Variants in SGK2 observed in about 807,000 individuals in gnomAD.
SGK2 encodes the protein serine/threonine-protein kinase Sgk2.
In SGK2, 36 loss-of-function variants were observed where a neutral mutation model predicts 47.5. The ratio of observed to expected loss-of-function variants is 0.76; its 90% CI spans 0.58 to 1.00. The LOEUF (loss-of-function observed/expected upper bound fraction) is 1.00. SGK2 is among the 50% of genes least tolerant of loss of function. The pLI, the probability that SGK2 is intolerant of heterozygous loss-of-function variation, is 0.00. For missense variants in SGK2, 404 were observed against 467.4 expected, an observed-to-expected ratio of 0.86 and a Z score of 1.25; for synonymous variants, 157 against 181.9, an observed-to-expected ratio of 0.86 and a Z score of 1.10.
intron 1 of SGK2, among the ~76,000 whole-genome samples, chr20:43,564,176 C>G (rs1019664390): frequency 1.3e-5 from 2 of 152,264 alleles, no homozygotes; most frequent in African/African-American, 4.8e-5. Context: ...AGCCAGGGTG[C>G]TCTCTGGGAC....
intron 1 of SGK2, among the ~76,000 whole-genome samples, chr20:43,564,578 C>A (rs377763840): frequency 2.6e-5 from 4 of 152,270 alleles, no homozygotes. Flanking sequence ...CCTATACACA[C>A]ATATTAATAG....
At chr20:43,567,748 G>GC (rs779503551) in intron 4 of SGK2, 26 bp downstream of exon 4, 1 of 1,612,784 alleles carries the variant, frequency 6.2e-7, no homozygotes, top group South Asian at 1.1e-5. Flanking sequence ...AGGGTGGGAA[G>GC]CCTGGGTCTT....
Position 43,567,660 on chromosome 20 carries a change from C to T in SGK2, c.87-5C>T. ...GCTGATCCGTGTTTTTCCCTCTTCC[C>T]CCAGTGCCCAGCCCACGGACTTCGA... On this transcript the variant is annotated splice_polypyrimidine_tract_variant and splice_region_variant and intron_variant, in intron 3 of 12. Transcript: ENST00000373100. The T allele has an allele frequency of 6.2e-7, 1 of 1,614,054 alleles. No individual in the cohort carries two copies. Among genetic ancestry groups the T allele is most frequent in the Non-Finnish European group, 8.5e-7 (1 of 1,179,936 alleles).
chr20:43,571,172 T>C (rs1980105951), intron 8 of SGK2, 112 bp downstream of exon 8: 2 of 1,523,258 alleles, frequency 1.3e-6, no homozygotes, highest in South Asian at 1.2e-5. Flanking sequence ...TGTACATGTA[T>C]GCATATAGGT....
At chr20:43,584,807 C>T in intron 12 of SGK2, 45 bp from the exon 13 acceptor site, 2 of 1,576,864 alleles carry the variant, frequency 1.3e-6, no homozygotes, top group Non-Finnish European at 1.7e-6. Context: ...CCTTTGGCAG[C>T]TCTGACCCCG....
Position 43,570,659 on chromosome 20 carries a change from C to G in SGK2, c.403C>G (p.Arg135Gly), listed in dbSNP as rs141249005. The change falls in exon 7 of 13, where the codon CGG (arginine) becomes GGG (glycine). Residue 135 changes from arginine (R) to glycine (G), a missense_variant. Coordinates refer to ENST00000373100, the MANE Select transcript of SGK2 (RefSeq NM_170693.3). ...GCGGGAGCGCCGGTTCCTGGAGCCC[C>G]GGGCCAGGTTCTACGCTGCTGAGGT... Reference protein sequence around the residue: ...LQRERRFLEPRARFYAAEVAS... With the variant: ...LQRERRFLEPGARFYAAEVAS... The G allele has an allele frequency of 1.1e-5, 17 of 1,612,316 alleles. No homozygotes were observed. In the East Asian group the frequency reaches 3.8e-4, roughly 36 times the overall value.
At chr20:43,573,742 G>T (rs571838642) in intron 9 of SGK2, among the ~76,000 whole-genome samples, 86 of 152,290 alleles carry the variant, frequency 5.6e-4, no homozygotes, top group Admixed American at 7.2e-4. Context: ...GCTGATGGTC[G>T]GATGAACTCT....
rs1404967960 is a variant in SGK2 at position 43,572,167 on chromosome 20, G to A, written c.597+30G>A. ...GCGTAAACATCCCAGGAGAGGGGAG[G>A]TCATGAGTGGGTGAGGCCACAGCTC... is the stretch of plus-strand genomic sequence containing the variant. On this transcript the variant is annotated intron_variant, in intron 9 of 12. Coordinates refer to ENST00000373100, the MANE Select transcript of SGK2 (RefSeq NM_170693.3). The surrounding 1 kb of genome is among the most constrained non-coding windows in gnomAD (Gnocchi z 4.2). 8.7e-6 allele frequency: 13 copies of A among 1,489,734 alleles called. No individual in the cohort carries two copies. Among genetic ancestry groups the A allele is most frequent in the Non-Finnish European group, 1.2e-5 (13 of 1,092,008 alleles). 92.3% of individuals were successfully genotyped at this position (1,489,734 alleles called of 1,614,324 possible). A position where few individuals can be genotyped will look rare whatever the true frequency, so the allele number is the denominator to read the frequency against.
intron 11 of SGK2, among the ~76,000 whole-genome samples, chr20:43,578,512 A>G (rs1030862373): frequency 3.3e-5 from 5 of 152,062 alleles, no homozygotes; most frequent in Non-Finnish European, 7.4e-5. Context: ...TGAATGGACT[A>G]TGAGGCAAAC....
rs748881921 is a variant in SGK2, at chr20:43,566,483, T to C, written c.-13T>C. 1.9e-6 allele frequency: 3 copies of C among 1,614,108 alleles called. No homozygotes were observed. The highest frequency in any genetic ancestry group is 2.5e-6 in the Non-Finnish European group (3 of 1,180,002). On this transcript the variant is annotated 5_prime_UTR_variant, in exon 2 of 13. Transcript: ENST00000373100. ...TCCCTGTCCCCCCAGAGCTGCCTGA[T>C]CATTGCTACAGAATGAACTCTAGCC...
intron 1 of SGK2, chr20:43,564,644 C>CAG (rs1317676350): frequency 1.3e-5 from 2 of 152,124 alleles, no homozygotes; most frequent in African/African-American, 4.8e-5. Context: ...CTCACACTCA[C>CAG]CCACATACAC....
chr20:43,567,748 G>C, intron 4 of SGK2, 26 bp downstream of exon 4: 1 of 1,612,784 alleles, frequency 6.2e-7, no homozygotes, highest in Non-Finnish European at 8.5e-7. Context: ...AGGGTGGGAA[G>C]CCTGGGTCTT....
chr20:43,573,283 G>A (rs1241156300), intron 9 of SGK2, among the ~76,000 whole-genome samples: 1 of 152,188 alleles, frequency 6.6e-6, no homozygotes, highest in African/African-American at 2.4e-5. Context: ...GAGGTCAGGA[G>A]TTCGACACCA....
chr20:43,584,680 G>A (rs530772874), intron 12 of SGK2, among the ~76,000 whole-genome samples, 172 bp from the exon 13 acceptor site: 2 of 152,296 alleles, frequency 1.3e-5, no homozygotes, highest in South Asian at 2.1e-4. Context: ...AATACCAGGG[G>A]GTGAGAGGAA....
chr20:43,567,716 C>T lies in SGK2; in HGVS notation c.138C>T (p.Tyr46=), dbSNP rs149859393. 8.7e-6 allele frequency: 14 copies of T among 1,613,988 alleles called. No individual in the cohort carries two copies. Among genetic ancestry groups the T allele is most frequent in the East Asian group, 6.7e-5 (3 of 44,888 alleles). ...DFLKVIGKGN[Y]GKVLLAKRKS... ...TCAAAGTCATCGGCAAAGGGAACTA[C>T]GGGAAGGTGAGTGACTTGGTGAGGG... The change falls in exon 4 of 13, where the codon TAC becomes TAT. Residue 46 remains tyrosine, a synonymous_variant. Transcript: ENST00000373100.
rs200005007 is a variant in SGK2, at chr20:43,567,101, C to A, written c.70C>A (p.Pro24Thr). ...GGCCAATGGGAACATCAACCTGGGG[C>A]CTTCAGCCAACCCAAAGTGAGTTCT... ...SRANGNINLG[P>T]SANPNAQPTD... Residue 24 changes from proline (P) to threonine (T), a missense_variant, in exon 3 of 13, where the codon CCT becomes ACT. Coordinates refer to ENST00000373100, the MANE Select transcript of SGK2 (RefSeq NM_170693.3). 1.4e-4 allele frequency: 233 copies of A among 1,614,062 alleles called. No individual in the cohort carries two copies. The highest frequency in any genetic ancestry group is 1.9e-4 in the Non-Finnish European group (229 of 1,179,918).
intron 1 of SGK2, among the ~76,000 whole-genome samples, chr20:43,563,135 C>CAAAAAAAAAAAAAAA (rs796539305): frequency 2.8e-5 from 2 of 70,650 alleles, no homozygotes; most frequent in African/African-American, 1.1e-4. Context: ...GACTCTGTCT[C>CAAAAAAAAAAAAAAA]AAAAAAAAAA....
At chr20:43,566,568 C>A in intron 2 of SGK2, 37 bp downstream of exon 2, 1 of 1,399,578 alleles carries the variant, frequency 7.1e-7, no homozygotes, top group Non-Finnish European at 1.0e-6. Context: ...TCATCGGGGG[C>A]TCACTTCTTC....
At position 43,569,473 on chromosome 20, in the gene SGK2, C is replaced by A. The variant is rs377612011; in HGVS notation, c.317C>A (p.Pro106His). Reference sequence around the variant, plus strand: ...GGCCTGCGCTACTCCTTCCAGACACCTGAGAAGCTCTACTTCGTGCTCGAC... The same window carrying A: ...GGCCTGCGCTACTCCTTCCAGACACATGAGAAGCTCTACTTCGTGCTCGAC... The part of the protein sequence containing the change: ...LVGLRYSFQT[P>H]EKLYFVLDYV... The change falls in exon 6 of 13, where the codon CCT (proline) becomes CAT (histidine). Residue 106 changes from proline (P) to histidine (H), a missense_variant. Pro to His is a moderately conservative substitution (Grantham distance 77, BLOSUM62 -2). Coordinates refer to ENST00000373100, the MANE Select transcript of SGK2 (RefSeq NM_170693.3). 14 of 1,613,668 alleles carry A rather than the reference C, an allele frequency of 8.7e-6. No homozygotes were observed. The Admixed American group carries it at 2.3e-4, about 27-fold the overall frequency.
Sources: gnomAD v4.1 joint callset for allele counts (sites outside exome capture counted in the v4.1 genomes callset) on GRCh38, gnomAD v4.1.1 for gene constraint, Gnocchi (gnomAD v3.1) non-coding constraint, MANE v1.5 for transcripts, NCBI Gene and HGNC (gene_info 2026-07-23, HGNC 2026-07-21) for gene names.